Variants in CEP57L1 observed in about 807,000 individuals in gnomAD.
CEP57L1 encodes centrosomal protein CEP57L1.
In CEP57L1, 37 loss-of-function variants were observed where a neutral mutation model predicts 61.0. The observed-to-expected ratio is 0.61, with a 90% CI of 0.47 to 0.80. The LOEUF (loss-of-function observed/expected upper bound fraction) is 0.80. CEP57L1 is among the 30% of genes least tolerant of loss of function. CEP57L1 has a pLI of 0.00. For missense variants in CEP57L1, 422 were observed against 524.7 expected, an observed-to-expected ratio of 0.80 and a Z score of 1.91; for synonymous variants, 137 against 162.3, an observed-to-expected ratio of 0.84 and a Z score of 1.19.
At chr6:109,120,957 C>CACACACACACACACACACACACAG (rs1332576863) in intron 1 of CEP57L1, among the ~76,000 whole-genome samples, 1 of 141,072 alleles carries the variant, frequency 7.1e-6, no homozygotes, top group African/African-American at 2.6e-5. Context: ...CACACACACA[C>CACACACACACACACACACACACAG]AGTCACTCAC....
At chr6:109,140,524 C>G (rs566475238) in intron 1 of CEP57L1, 1 of 150,476 alleles carries the variant, frequency 6.6e-6, no homozygotes, top group Non-Finnish European at 1.5e-5. Context: ...CTCAGCCACC[C>G]GAGTAGCTGG....
In CEP57L1 at chr6:109,167,129, C is replaced by A. The variant is rs1484523537; in HGVS notation, c.*4159C>A. The stretch of plus-strand genomic sequence containing the variant: ...TTTACTTCTTGGTAATTAAATAGAC[C>A]TTCTCAATGCCTCAGCCTTTTTCTT... On this transcript the variant is annotated 3_prime_UTR_variant, in exon 11 of 11. Coordinates refer to ENST00000517392, the MANE Select transcript of CEP57L1 (RefSeq NM_001271852.3). Among the ~76,000 whole-genome samples the A allele has an allele frequency of 1.3e-5, 2 of 152,172 alleles. No homozygotes were observed. Among genetic ancestry groups the A allele is most frequent in the Non-Finnish European group, 2.9e-5 (2 of 68,038 alleles).
chr6:109,130,915 A>G (rs1454852787), intron 1 of CEP57L1: 3 of 152,048 alleles, frequency 2.0e-5, no homozygotes, highest in Non-Finnish European at 2.9e-5. Context: ...CTTGCATCTT[A>G]TAAGCACTCT....
chr6:109,097,106 C>CT (rs1781796758), intron 1 of CEP57L1, among the ~76,000 whole-genome samples: 1 of 152,236 alleles, frequency 6.6e-6, no homozygotes, highest in Non-Finnish European at 1.5e-5. Flanking sequence ...TACTATCCAT[C>CT]TACTTGTGAA....
At chr6:109,118,495 G>C (rs547693100) in intron 1 of CEP57L1, among the ~76,000 whole-genome samples, 21 of 152,318 alleles carry the variant, frequency 1.4e-4, no homozygotes, top group African/African-American at 5.1e-4. Flanking sequence ...GGGGCTTAAT[G>C]GTGTGTCTCT....
At chr6:109,116,112 TTTATG>T (rs1218841341) in intron 1 of CEP57L1, among the ~76,000 whole-genome samples, 48 of 148,530 alleles carry the variant, frequency 3.2e-4, no homozygotes, top group East Asian at 2.0e-4. Flanking sequence ...TTTATTTTAT[TTTATG>T]TTATGTGTTG....
intron 4 of CEP57L1, 144 bp from the exon 5 acceptor site, chr6:109,153,689 C>T: frequency 1.6e-6 from 1 of 608,882 alleles, no homozygotes; most frequent in East Asian, 3.1e-5. Flanking sequence ...TGCTTGTAAG[C>T]ATCTAAAGTA....
intron 1 of CEP57L1, among the ~76,000 whole-genome samples, chr6:109,119,110 T>C (rs180913485): frequency 6.6e-6 from 1 of 152,182 alleles, no homozygotes; most frequent in Admixed American, 6.6e-5. Flanking sequence ...GAGAGAACAA[T>C]AGGAACATTA....
chr6:109,145,063 C>T (rs1771806494), intron 1 of CEP57L1, among the ~76,000 whole-genome samples, 156 bp from the exon 2 acceptor site: 1 of 151,946 alleles, frequency 6.6e-6, no homozygotes, highest in African/African-American at 2.4e-5. Context: ...TCTTTTATTG[C>T]CAAGCCTATT....
intron 1 of CEP57L1, among the ~76,000 whole-genome samples, chr6:109,104,704 C>T (rs1022618502): frequency 2.0e-5 from 3 of 152,036 alleles, no homozygotes; most frequent in African/African-American, 7.2e-5. Flanking sequence ...CACCTCTGCC[C>T]TACAAGTAGC....
At chr6:109,158,884 T>C in intron 7 of CEP57L1, 141 bp from the exon 8 acceptor site, 1 of 724,404 alleles carries the variant, frequency 1.4e-6, no homozygotes, top group East Asian at 2.6e-5. Context: ...CATACGTATG[T>C]CTATGTCAGT....
In CEP57L1 at chr6:109,166,985, C is replaced by T. The variant is rs1415068709; in HGVS notation, c.*4015C>T. Among the ~76,000 whole-genome samples, 1 of 152,176 alleles carries T rather than the reference C, an allele frequency of 6.6e-6. No homozygotes were observed. The highest frequency in any genetic ancestry group is 1.5e-5 in the Non-Finnish European group (1 of 68,042). On this transcript the variant is annotated 3_prime_UTR_variant, in exon 11 of 11. Coordinates refer to ENST00000517392, the MANE Select transcript of CEP57L1 (RefSeq NM_001271852.3). ...CAGACATATGACAAGACAACCTTCA[C>T]TAAGGCATAATAGCAACTGTGAGAT...
intron 1 of CEP57L1, among the ~76,000 whole-genome samples, chr6:109,121,665 T>C (rs1157891528): frequency 6.6e-6 from 1 of 152,172 alleles, no homozygotes; most frequent in Non-Finnish European, 1.5e-5. Context: ...TCCAATTTCA[T>C]TATCAAAATC....
intron 1 of CEP57L1, among the ~76,000 whole-genome samples, chr6:109,144,091 C>T (rs1771710864): frequency 6.6e-6 from 1 of 152,110 alleles, no homozygotes; most frequent in Non-Finnish European, 1.5e-5. Context: ...CTTGCAAGAA[C>T]AAAAAGCATC....
At chr6:109,151,742 A>G (rs558291805) in intron 4 of CEP57L1, among the ~76,000 whole-genome samples, 158 of 152,278 alleles carry the variant, frequency 1.0e-3, no homozygotes, top group African/African-American at 3.7e-3. Context: ...AGTCTATTTC[A>G]CTGTCATTTG....
At chr6:109,101,575 A>G (rs1398692224) in intron 1 of CEP57L1, among the ~76,000 whole-genome samples, 1 of 150,804 alleles carries the variant, frequency 6.6e-6, no homozygotes, top group Non-Finnish European at 1.5e-5. Context: ...AGGTAACCCT[A>G]TGTTTAGCTT....
chr6:109,150,640 C>T (rs1038678945), intron 4 of CEP57L1, among the ~76,000 whole-genome samples: 7 of 141,218 alleles, frequency 5.0e-5, no homozygotes, highest in Non-Finnish European at 1.1e-4. Flanking sequence ...GCAGCCTGGA[C>T]GACAGAGCAA....
At position 109,153,896 on chromosome 6, in the gene CEP57L1, G is replaced by T. The variant is rs771233612; in HGVS notation, c.526G>T (p.Asp176Tyr). ...GCTGTATGCAAAACTTGAAAAGCTTGATGTCTTAGAAAAAGAGTGTTTCAG... is the reference window on the plus strand; with the variant it reads ...GCTGTATGCAAAACTTGAAAAGCTTTATGTCTTAGAAAAAGAGTGTTTCAG... ...MKLYAKLEKLDVLEKECFRLT... is the reference protein window; with the variant it reads ...MKLYAKLEKLYVLEKECFRLT... The change falls in exon 5 of 11, where the codon GAT becomes TAT. Residue 176 changes from aspartate (D) to tyrosine (Y), a missense_variant. Transcript: ENST00000517392. 1 of 1,612,254 alleles carries T rather than the reference G, an allele frequency of 6.2e-7. No individual in the cohort carries two copies. Among genetic ancestry groups the T allele is most frequent in the Non-Finnish European group, 8.5e-7 (1 of 1,179,158 alleles).
rs561658129 is a variant in CEP57L1 at position 109,155,671 on chromosome 6, T to C, written c.658-120T>C. 4.4e-5 allele frequency: 27 copies of C among 616,734 alleles called. No individual in the cohort carries two copies. In the African/African-American group the frequency reaches 4.7e-4, roughly 11 times the overall value. 38.2% of individuals were successfully genotyped at this position (616,734 alleles called of 1,614,324 possible). A position where few individuals can be genotyped will look rare whatever the true frequency, so the allele number is the denominator to read the frequency against. On this transcript the variant is annotated intron_variant, in intron 6 of 10. Coordinates refer to ENST00000517392, the MANE Select transcript of CEP57L1 (RefSeq NM_001271852.3). ...CATGTACAAAAACGGTATCTTGGAT[T>C]TTCTTTTCTTTTCTTCTCCAAAAAG... is the stretch of plus-strand genomic sequence containing the variant.
Sources: gnomAD v4.1 joint callset for allele counts (sites outside exome capture counted in the v4.1 genomes callset) on GRCh38, gnomAD v4.1.1 for gene constraint, MANE v1.5 for transcripts, NCBI Gene and HGNC (gene_info 2026-07-23, HGNC 2026-07-21) for gene names.